TRPC4: variants seen among roughly 807,000 people sequenced by gnomAD.
TRPC4 encodes transient receptor potential cation channel subfamily C member 4.
In TRPC4, 49 loss-of-function variants were observed where a neutral mutation model predicts 99.4. The observed-to-expected ratio is 0.49, with a 90% CI of 0.39 to 0.63. TRPC4 has a LOEUF of 0.63. Ranked by LOEUF, TRPC4 falls within the 20% of genes least tolerant of loss-of-function variation. The pLI is 0.00. For missense variants in TRPC4, 898 were observed against 1,152.9 expected, an observed-to-expected ratio of 0.78 and a Z score of 3.20; for synonymous variants, 454 against 425.9, an observed-to-expected ratio of 1.07 and a Z score of -0.81.
chr13:37,666,437 T>G (rs1263943405), intron 5 of TRPC4, among the ~76,000 whole-genome samples: 1 of 152,196 alleles, frequency 6.6e-6, no homozygotes, highest in Non-Finnish European at 1.5e-5. Context: ...TGTCACGGAT[T>G]AAGAGATATA....
chr13:37,740,976 T>G (rs1955571987), intron 3 of TRPC4, among the ~76,000 whole-genome samples: 1 of 152,120 alleles, frequency 6.6e-6, no homozygotes, highest in South Asian at 2.1e-4. Context: ...AAACCCAAAT[T>G]AGTTCCAAAA....
intron 2 of TRPC4, among the ~76,000 whole-genome samples, chr13:37,764,310 A>T (rs2139255728): frequency 6.6e-6 from 1 of 151,398 alleles, no homozygotes; most frequent in African/African-American, 2.4e-5. Flanking sequence ...TATTATATAC[A>T]TTTTTCTATA....
intron 2 of TRPC4, among the ~76,000 whole-genome samples, chr13:37,766,610 G>C (rs1284201819): frequency 6.6e-6 from 1 of 151,438 alleles, no homozygotes; most frequent in African/African-American, 2.4e-5. Flanking sequence ...GAATAGCAAA[G>C]TCAGAGATAC....
chr13:37,676,908 T>A (rs1953075222), intron 4 of TRPC4, among the ~76,000 whole-genome samples: 1 of 144,518 alleles, frequency 6.9e-6, no homozygotes. Context: ...AAGATTTATG[T>A]CCAGAAATGT....
intron 2 of TRPC4, among the ~76,000 whole-genome samples, chr13:37,772,427 A>T (rs1956580037): frequency 6.6e-6 from 1 of 151,666 alleles, no homozygotes; most frequent in Non-Finnish European, 1.5e-5. Context: ...TTTACTATAA[A>T]TCAAGTCTAT....
chr13:37,636,865 AT>A lies in TRPC4; in HGVS notation c.*37del. ...TCCCCCACCCAGAGCACTACGGAAAATACGTATGTGTATGGTAAACGCTTCC... is the reference window on the plus strand; with the variant it reads ...TCCCCCACCCAGAGCACTACGGAAAAACGTATGTGTATGGTAAACGCTTCC... On this transcript the variant is annotated 3_prime_UTR_variant, in exon 11 of 11. Transcript: ENST00000379705. 6.4e-7 allele frequency: 1 copy of A among 1,572,258 alleles called. No homozygotes were observed. Among genetic ancestry groups the A allele is most frequent in the Non-Finnish European group, 8.6e-7 (1 of 1,160,056 alleles).
intron 1 of TRPC4, among the ~76,000 whole-genome samples, chr13:37,826,701 T>C (rs554065003): frequency 3.9e-5 from 6 of 152,270 alleles, no homozygotes; most frequent in Middle Eastern, 3.4e-3. Flanking sequence ...CTGGCTGCCC[T>C]TAACATTTTT....
intron 6 of TRPC4, among the ~76,000 whole-genome samples, chr13:37,661,626 G>C (rs1159430160): frequency 6.6e-6 from 1 of 152,202 alleles, no homozygotes; most frequent in Non-Finnish European, 1.5e-5. Context: ...AGAAAGTTGT[G>C]AAAGAGCATT....
At position 37,649,369 on chromosome 13, in the gene TRPC4, C is replaced by T. The variant is rs1295524004; in HGVS notation, c.2079+1896G>A. On this transcript the variant is annotated intron_variant, in intron 8 of 10. Coordinates refer to ENST00000379705, the MANE Select transcript of TRPC4 (RefSeq NM_016179.4). ...CCCTCAAAGATGGAACCCATGCCTTCGTACCTCTTCCCACTCCTCAAATTC... is the reference window on the plus strand; with the variant it reads ...CCCTCAAAGATGGAACCCATGCCTTTGTACCTCTTCCCACTCCTCAAATTC... 5.9e-5 allele frequency among the ~76,000 whole-genome samples: 9 copies of T among 152,080 alleles called. No individual in the cohort carries two copies. In the South Asian group the frequency reaches 1.0e-3, roughly 18 times the overall value.
chr13:37,841,543 C>T (rs1014398937), intron 1 of TRPC4, among the ~76,000 whole-genome samples: 2 of 150,648 alleles, frequency 1.3e-5, no homozygotes, highest in Non-Finnish European at 3.0e-5. Context: ...AAATATAAAA[C>T]TTTAACACTA....
intron 2 of TRPC4, 84 bp downstream of exon 2, chr13:37,782,872 T>G: frequency 8.4e-7 from 1 of 1,188,488 alleles, no homozygotes; most frequent in East Asian, 2.8e-5. Flanking sequence ...CATTTGAAAA[T>G]CTAAAAAAAA....
At chr13:37,741,674 T>C (rs183402934) in intron 3 of TRPC4, among the ~76,000 whole-genome samples, 1 of 152,124 alleles carries the variant, frequency 6.6e-6, no homozygotes, top group African/African-American at 2.4e-5. Flanking sequence ...CAAAGAAAAC[T>C]TCATGTCAAA....
intron 3 of TRPC4, among the ~76,000 whole-genome samples, chr13:37,693,451 A>G (rs1419247511): frequency 6.6e-6 from 1 of 152,216 alleles, no homozygotes; most frequent in East Asian, 1.9e-4. Flanking sequence ...TTCTGTTGAC[A>G]TCATAAAATA....
At chr13:37,703,461 G>A (rs529017956) in intron 3 of TRPC4, among the ~76,000 whole-genome samples, 37 of 152,000 alleles carry the variant, frequency 2.4e-4, no homozygotes, top group African/African-American at 8.7e-4. Context: ...CCCTGACCAA[G>A]TATAATTAAC....
chr13:37,757,514 G>A (rs1320265799), intron 2 of TRPC4, among the ~76,000 whole-genome samples: 1 of 151,944 alleles, frequency 6.6e-6, no homozygotes, highest in Non-Finnish European at 1.5e-5. Flanking sequence ...GGAAAATTCG[G>A]AGGACTTTCT....
intron 3 of TRPC4, among the ~76,000 whole-genome samples, chr13:37,699,907 G>A (rs947481761): frequency 2.6e-5 from 4 of 151,962 alleles, no homozygotes; most frequent in Non-Finnish European, 4.4e-5. Context: ...CAATGAGTGA[G>A]CAGTAATGGA....
chr13:37,677,736 G>C (rs1272693711), intron 4 of TRPC4, among the ~76,000 whole-genome samples: 1 of 152,098 alleles, frequency 6.6e-6, no homozygotes, highest in East Asian at 1.9e-4. Flanking sequence ...TCCTCTCTCT[G>C]TAACCAACAG....
intron 1 of TRPC4, among the ~76,000 whole-genome samples, chr13:37,857,862 G>T (rs985119165): frequency 2.6e-5 from 4 of 151,356 alleles, no homozygotes; most frequent in African/African-American, 9.7e-5. Flanking sequence ...TGGGAAAAAA[G>T]GTTTTGAGTA....
At chr13:37,792,412 T>A (rs1331556918) in intron 1 of TRPC4, among the ~76,000 whole-genome samples, 1 of 152,182 alleles carries the variant, frequency 6.6e-6, no homozygotes, top group Admixed American at 6.6e-5. Context: ...TAGATGTATA[T>A]ACGATGTAAA....
Sources: allele counts gnomAD v4.1 joint callset (sites outside exome capture counted in the v4.1 genomes callset), GRCh38; gene constraint gnomAD v4.1.1; transcripts MANE v1.5; gene names NCBI Gene and HGNC (gene_info 2026-07-23, HGNC 2026-07-21).